Variants in ZNF429 observed in about 807,000 individuals in gnomAD.
ZNF429 encodes zinc finger protein 429.
Under a neutral mutation model 56.8 loss-of-function variants are expected in ZNF429, and 53 were observed. That is an observed-to-expected ratio of 0.93 (90% CI 0.75 to 1.17). The LOEUF (loss-of-function observed/expected upper bound fraction) is 1.17. Among genes scored for constraint, ZNF429 ranks in the 50% most tolerant of loss-of-function variants. The pLI is 0.00. For synonymous variants in ZNF429, 278 were observed against 264.7 expected (o/e 1.05, Z -0.49); for missense variants, 849 against 788.4 (o/e 1.08, Z -0.92).
At position 21,537,300 on chromosome 19, in the gene ZNF429, A is replaced by G; in HGVS notation, c.1247A>G (p.Lys416Arg). Residue 416 changes from lysine to arginine, a missense_variant, in exon 4 of 4, where the codon AAG becomes AGG. By Grantham distance (26) the Lys-to-Arg change is conservative (BLOSUM62 2). Coordinates refer to ENST00000358491, the MANE Select transcript of ZNF429 (RefSeq NM_001001415.4). ...TGTTCCTCAACACTTACTCAAGACA[A>G]GAAAATTCATACTGGAGAGAAACCC... ...FTCSSTLTQDKKIHTGEKPYN... is the reference protein window; with the variant it reads ...FTCSSTLTQDRKIHTGEKPYN... The G allele has an allele frequency of 1.2e-6, 2 of 1,614,140 alleles. No individual in the cohort carries two copies. The highest frequency in any genetic ancestry group is 8.5e-7 in the Non-Finnish European group (1 of 1,180,012).
At chr19:21,534,296 T>TAATTATTTG in intron 3 of ZNF429, among the ~76,000 whole-genome samples, 3 of 146,080 alleles carry the variant, frequency 2.1e-5, no homozygotes, top group South Asian at 2.2e-4. Context: ...TTTTTGGATT[T>TAATTATTTG]TCCAGTTTTA....
At chr19:21,512,162 T>C (rs2032514674) in intron 1 of ZNF429, among the ~76,000 whole-genome samples, 1 of 152,176 alleles carries the variant, frequency 6.6e-6, no homozygotes, top group African/African-American at 2.4e-5. Context: ...ATGCCTCCCC[T>C]TTTTAGACCA....
In ZNF429 at chr19:21,537,813, A is replaced by C; in HGVS notation, c.1760A>C (p.His587Pro). Residue 587 changes from histidine (H) to proline (P), a missense_variant, in exon 4 of 4, where the codon CAT becomes CCT. Physicochemically the swap from His to Pro is moderately conservative, Grantham distance 77. Coordinates refer to ENST00000358491, the MANE Select transcript of ZNF429 (RefSeq NM_001001415.4). ...SSNLSSHKKI[H>P]SGEKPYKCEE... Reference sequence around the variant, plus strand: ...AACCTTAGTAGTCATAAGAAAATTCATAGTGGAGAGAAACCCTACAAATGT... The same window carrying C: ...AACCTTAGTAGTCATAAGAAAATTCCTAGTGGAGAGAAACCCTACAAATGT... 1 of 1,613,796 alleles carries C rather than the reference A, an allele frequency of 6.2e-7. No homozygotes were observed. Among genetic ancestry groups the C allele is most frequent in the Non-Finnish European group, 8.5e-7 (1 of 1,180,004 alleles).
rs1555745045 is a variant in ZNF429, at chr19:21,529,640, G to GGT, written c.4-7_4-6dup. Reference sequence around the variant, plus strand: ...CTCTCTCTTTCTCTCTCCTTCTGTTGGTGTGTGTGTGTTTCAGGGACCATT... The same window carrying GGT: ...CTCTCTCTTTCTCTCTCCTTCTGTTGGTGTGTGTGTGTGTTTCAGGGACCATT... On this transcript the variant is annotated splice_polypyrimidine_tract_variant and intron_variant, in intron 1 of 3. Coordinates refer to ENST00000358491, the MANE Select transcript of ZNF429 (RefSeq NM_001001415.4). 9.3e-6 allele frequency: 14 copies of GGT among 1,511,696 alleles called. No homozygotes were observed. Among genetic ancestry groups the GGT allele is most frequent in the Non-Finnish European group, 9.8e-6 (11 of 1,127,108 alleles). 93.6% of individuals were successfully genotyped at this position (1,511,696 alleles called of 1,614,324 possible). A position where few individuals can be genotyped will look rare whatever the true frequency, so the allele number is the denominator to read the frequency against.
intron 3 of ZNF429, among the ~76,000 whole-genome samples, chr19:21,532,998 AT>A: frequency 0.22 from 32,485 of 147,502 alleles, 3,510 homozygotes; most frequent in African/African-American, 0.25. Flanking sequence ...CCCGGTCCAA[AT>A]TTTTTTTTTT....
intron 1 of ZNF429, among the ~76,000 whole-genome samples, chr19:21,520,324 G>A (rs1246654445): frequency 6.6e-6 from 1 of 152,178 alleles, no homozygotes; most frequent in Non-Finnish European, 1.5e-5. Flanking sequence ...CAGAGACTTG[G>A]TTGTTGTAGG....
At chr19:21,515,030 T>A (rs1415291175) in intron 1 of ZNF429, among the ~76,000 whole-genome samples, 1 of 151,516 alleles carries the variant, frequency 6.6e-6, no homozygotes, top group Non-Finnish European at 1.5e-5. Context: ...AGCCTCCACC[T>A]CCCAGATTCA....
chr19:21,511,541 T>G (rs1428773496), intron 1 of ZNF429, among the ~76,000 whole-genome samples: 1 of 151,656 alleles, frequency 6.6e-6, no homozygotes, highest in African/African-American at 2.4e-5. Context: ...GAGGCGCTCC[T>G]CACTTCCTAG....
chr19:21,521,161 G>A (rs953908997), intron 1 of ZNF429, among the ~76,000 whole-genome samples: 19 of 152,240 alleles, frequency 1.2e-4, no homozygotes, highest in Admixed American at 5.9e-4. Context: ...TTCCCCAAAA[G>A]GACTAATTAT....
At chr19:21,521,329 G>A (rs1461668638) in intron 1 of ZNF429, 2 of 152,152 alleles carry the variant, frequency 1.3e-5, no homozygotes, top group Non-Finnish European at 2.9e-5. Context: ...AACAAAGTCA[G>A]GTTCCAGTTC....
Position 21,534,525 on chromosome 19 carries a change from C to G in ZNF429, c.227-1755C>G. 2.0e-5 allele frequency among the ~76,000 whole-genome samples: 2 copies of G among 100,710 alleles called. 1 individual carries two copies. Among genetic ancestry groups the G allele is most frequent in the Non-Finnish European group, 4.5e-5 (2 of 44,278 alleles). The allele number at this position is 100,710 out of a possible 152,430, so 66.1% of individuals were successfully genotyped here. A position where few individuals can be genotyped will look rare whatever the true frequency, so the allele number is the denominator to read the frequency against. ...TGACTACAGACATGCACTACCATGT[C>G]TGGCTAGTGCAGTTTTTAATTATTT... is the stretch of plus-strand genomic sequence containing the variant. On this transcript the variant is annotated intron_variant, in intron 3 of 3. Transcript: ENST00000358491.
intron 3 of ZNF429, among the ~76,000 whole-genome samples, chr19:21,533,907 G>A: frequency 2.0e-5 from 3 of 151,952 alleles, no homozygotes; most frequent in Non-Finnish European, 4.4e-5. Flanking sequence ...TTTTTAAAGA[G>A]ATTTTCTTTT....
At chr19:21,523,809 G>A (rs2033070289) in intron 1 of ZNF429, among the ~76,000 whole-genome samples, 2 of 152,150 alleles carry the variant, frequency 1.3e-5, no homozygotes, top group East Asian at 1.9e-4. Flanking sequence ...CTTCTAGATA[G>A]ATGTATAATC....
chr19:21,516,804 C>T (rs1446393011), intron 1 of ZNF429, among the ~76,000 whole-genome samples: 9 of 152,154 alleles, frequency 5.9e-5, no homozygotes, highest in African/African-American at 1.7e-4. Context: ...TATCCTGAAA[C>T]TTTGCTGAAG....
chr19:21,509,050 C>G (rs908101371), intron 1 of ZNF429, among the ~76,000 whole-genome samples: 2 of 149,996 alleles, frequency 1.3e-5, no homozygotes, highest in African/African-American at 2.5e-5. Flanking sequence ...GAGTCTTGCT[C>G]AAGGCTGGGG....
At position 21,505,626 on chromosome 19, in the gene ZNF429, GT is replaced by G; in HGVS notation, c.-143del. On this transcript the variant is annotated 5_prime_UTR_variant, in exon 1 of 4. It removes the in-frame stop codon of an upstream open reading frame in the 5' UTR. Transcript: ENST00000358491. ...GACGGTTTCCGGAATATGGCGGGGC[GT>G]TTGGCTCTTGCTGCAGCCAGAGCTC... is the stretch of plus-strand genomic sequence containing the variant. 1 of 733,580 alleles carries G rather than the reference GT, an allele frequency of 1.4e-6. No individual in the cohort carries two copies. The highest frequency in any genetic ancestry group is 1.8e-5 in the African/African-American group (1 of 54,542). 45.4% of individuals were successfully genotyped at this position (733,580 alleles called of 1,614,324 possible).
At chr19:21,519,476 G>A (rs1262137789) in intron 1 of ZNF429, among the ~76,000 whole-genome samples, 1 of 152,198 alleles carries the variant, frequency 6.6e-6, no homozygotes, top group African/African-American at 2.4e-5. Flanking sequence ...AGCCATCTGG[G>A]CCACATAGTA....
Position 21,537,973 on chromosome 19 carries a change from G to T in ZNF429, c.1920G>T (p.Lys640Asn). ...GGTCTTCAAGACTTACTCAACATAA[G>T]AAAATTCATAGGATGGGTGTGGTGG... The part of the protein sequence containing the change: ...FTRSSRLTQH[K>N]KIHRMGVVAH... The change falls in exon 4 of 4, where the codon AAG becomes AAT. Residue 640 changes from lysine (K) to asparagine (N), a missense_variant. Transcript: ENST00000358491. The T allele has an allele frequency of 6.2e-7, 1 of 1,614,020 alleles. No homozygotes were observed. Among genetic ancestry groups the T allele is most frequent in the Middle Eastern group, 1.6e-4 (1 of 6,062 alleles).
Position 21,540,293 on chromosome 19 carries a change from A to G in ZNF429, c.*2215A>G, listed in dbSNP as rs184436226. 2.1e-4 allele frequency among the ~76,000 whole-genome samples: 32 copies of G among 152,318 alleles called. 1 individual carries two copies. Among genetic ancestry groups the G allele is most frequent in the Admixed American group, 2.0e-3 (31 of 15,304 alleles). On this transcript the variant is annotated 3_prime_UTR_variant, in exon 4 of 4. Transcript: ENST00000358491. ...GTATGCTATTTAGTAACATAGTGGA[A>G]TAGCATCTCTAGTAATCTCTTTTGC...
Sources: allele counts gnomAD v4.1 joint callset (sites outside exome capture counted in the v4.1 genomes callset), GRCh38; gene constraint gnomAD v4.1.1; transcripts MANE v1.5; gene names NCBI Gene and HGNC (gene_info 2026-07-23, HGNC 2026-07-21).